The following RAB3IL1 variants were observed in gnomAD, a reference collection of about 807,000 sequenced individuals.
RAB3IL1 encodes the protein guanine nucleotide exchange factor for Rab-3A.
In RAB3IL1, 37 loss-of-function variants were observed where a neutral mutation model predicts 49.2. The ratio of observed to expected loss-of-function variants is 0.75; its 90% CI spans 0.58 to 0.99. The LOEUF (loss-of-function observed/expected upper bound fraction) is 0.99, where lower values mean the gene tolerates loss of function less well. Ranked by LOEUF, RAB3IL1 falls within the 50% of genes least tolerant of loss-of-function variation. The pLI, the probability that RAB3IL1 is intolerant of heterozygous loss-of-function variation, is 0.00. For synonymous variants in RAB3IL1, 193 were observed against 213.9 expected (o/e 0.90, Z 0.85); for missense variants, 484 against 513.0 (o/e 0.94, Z 0.55).
At position 61,897,906 on chromosome 11, in the gene RAB3IL1, A is replaced by T. The variant is rs954780518; in HGVS notation, c.*372T>A. The T allele has an allele frequency of 4.5e-6, 1 of 223,968 alleles. No individual in the cohort carries two copies. Among genetic ancestry groups the T allele is most frequent in the Non-Finnish European group, 9.0e-6 (1 of 110,870 alleles). 13.9% of individuals were successfully genotyped at this position (223,968 alleles called of 1,614,324 possible). On this transcript the variant is annotated 3_prime_UTR_variant, in exon 10 of 10. Transcript: ENST00000394836. ...AACAGTCCCTTTCTGAAGACAAGCC[A>T]GCAACAAGGCACCTGCAGGCAGTTC... is the stretch of plus-strand genomic sequence containing the variant.
At chr11:61,937,247 T>C in the RAB3IL1 span, among the ~76,000 whole-genome samples, 11 of 152,188 alleles carry the variant, frequency 7.2e-5, no homozygotes, top group Admixed American at 4.6e-4. Context: ...TTGCATGCTA[T>C]TGAAACTAAG....
chr11:61,943,184 C>T, the RAB3IL1 span, among the ~76,000 whole-genome samples: 12,979 of 152,180 alleles, frequency 0.085, 603 homozygotes, highest in East Asian at 0.12. Context: ...GAAATAAACC[C>T]ATATATGTAT....
intron 1 of RAB3IL1, among the ~76,000 whole-genome samples, chr11:61,908,906 G>A (rs1025330566): frequency 2.0e-5 from 3 of 152,198 alleles, no homozygotes; most frequent in Non-Finnish European, 4.4e-5. Flanking sequence ...TTGGTGGGGA[G>A]CAGTCCCAGC....
upstream of RAB3IL1, among the ~76,000 whole-genome samples, chr11:61,919,290 C>T (rs1372818918): frequency 6.6e-6 from 1 of 152,140 alleles, no homozygotes; most frequent in Admixed American, 6.5e-5. Flanking sequence ...GGCCCTTGAG[C>T]GAGGTCTTGA....
chr11:61,902,671 C>A (rs1396542258), intron 7 of RAB3IL1, 130 bp from the exon 8 acceptor site: 2 of 824,958 alleles, frequency 2.4e-6, no homozygotes, highest in African/African-American at 1.7e-5. Flanking sequence ...CCCCACCCGG[C>A]TTCCAAAGGA....
At chr11:61,920,110 C>T (rs373760400), upstream of RAB3IL1, 52 of 1,345,128 alleles carry the variant, frequency 3.9e-5, no homozygotes, top group South Asian at 3.6e-4. Flanking sequence ...TGGGGCGTAG[C>T]GGACAGTCCC....
intron 8 of RAB3IL1, chr11:61,899,884 C>T (rs78433106): frequency 0.023 from 3,612 of 160,482 alleles, 115 homozygotes; most frequent in African/African-American, 0.07. Flanking sequence ...CCTGGGCTGC[C>T]CGGGGCCCCT....
At chr11:61,904,684 G>A (rs761819031) in intron 6 of RAB3IL1, 26 bp from the exon 7 acceptor site, 3 of 1,599,164 alleles carry the variant, frequency 1.9e-6, no homozygotes, top group East Asian at 2.3e-5. Flanking sequence ...GAGGCAGGCA[G>A]GGTGGTAAGG....
At chr11:61,899,741 CAGG>C in intron 8 of RAB3IL1, 1 of 253,052 alleles carries the variant, frequency 4.0e-6, no homozygotes, top group Non-Finnish European at 7.9e-6. Context: ...ATGAACCGGG[CAGG>C]CTGTCCCGGA....
At chr11:61,922,245 G>A (rs1449480285), upstream of RAB3IL1, among the ~76,000 whole-genome samples, 2 of 152,030 alleles carry the variant, frequency 1.3e-5, no homozygotes, top group Non-Finnish European at 2.9e-5. Context: ...AGACAGCTGG[G>A]GGCGTTGGCT....
At chr11:61,940,038 G>A in the RAB3IL1 span, among the ~76,000 whole-genome samples, 685 of 151,986 alleles carry the variant, frequency 4.5e-3, 27 homozygotes, top group East Asian at 0.092. Context: ...TAGCTACTGG[G>A]GAGGTTGAGG....
At chr11:61,929,344 C>G in the RAB3IL1 span, among the ~76,000 whole-genome samples, 1 of 151,808 alleles carries the variant, frequency 6.6e-6, no homozygotes, top group Non-Finnish European at 1.5e-5. Flanking sequence ...GTCTCTGCTA[C>G]AAACACAAAA....
In RAB3IL1 at chr11:61,898,935, T is replaced by TG. The variant is rs1938752816; in HGVS notation, c.1066+378dup. On this transcript the variant is annotated intron_variant, in intron 9 of 9. Coordinates refer to ENST00000394836, the MANE Select transcript of RAB3IL1 (RefSeq NM_013401.4). The surrounding 1 kb of genome is among the most constrained non-coding windows in gnomAD (Gnocchi z 5.1). Reference sequence around the variant, plus strand: ...GAGCCAGGCCTTGCAGAATGGGCTGTGGGGGGAGGGGGTGGAGGGAGGCCC... The same window carrying TG: ...GAGCCAGGCCTTGCAGAATGGGCTGTGGGGGGGAGGGGGTGGAGGGAGGCCC... 1 of 356,766 alleles carries TG rather than the reference T, an allele frequency of 2.8e-6. No homozygotes were observed. The highest frequency in any genetic ancestry group is 5.4e-6 in the Non-Finnish European group (1 of 184,232). 22.1% of individuals were successfully genotyped at this position (356,766 alleles called of 1,614,324 possible). A position where few individuals can be genotyped will look rare whatever the true frequency, so the allele number is the denominator to read the frequency against.
chr11:61,945,792 C>T, the RAB3IL1 span: 2 of 985,260 alleles, frequency 2.0e-6, no homozygotes, highest in Non-Finnish European at 2.4e-6. Flanking sequence ...TGCAGCCTGG[C>T]AGAGTCCATG....
upstream of RAB3IL1, chr11:61,920,161 G>A: frequency 7.5e-7 from 1 of 1,325,686 alleles, no homozygotes; most frequent in Non-Finnish European, 9.7e-7. Flanking sequence ...CCCTCGGGCG[G>A]GGCACCCAGC....
At chr11:61,925,398 C>A in the RAB3IL1 span, among the ~76,000 whole-genome samples, 1 of 152,160 alleles carries the variant, frequency 6.6e-6, no homozygotes, top group African/African-American at 2.4e-5. Flanking sequence ...CTTTGGGAGG[C>A]TGAGGTGGGT....
chr11:61,919,387 T>C (rs2134371357), upstream of RAB3IL1, among the ~76,000 whole-genome samples: 1 of 152,328 alleles, frequency 6.6e-6, no homozygotes, highest in South Asian at 2.1e-4. Flanking sequence ...CCTGCTACCA[T>C]GGACTCCTAG....
chr11:61,927,795 T>TAAG, the RAB3IL1 span, among the ~76,000 whole-genome samples: 61 of 152,228 alleles, frequency 4.0e-4, no homozygotes, highest in South Asian at 0.012. Context: ...TCTGGCCATG[T>TAAG]AAGATGTGCC....
At chr11:61,917,016 G>A (rs1325814359) in intron 1 of RAB3IL1, among the ~76,000 whole-genome samples, 1 of 151,986 alleles carries the variant, frequency 6.6e-6, no homozygotes, top group Non-Finnish European at 1.5e-5. Flanking sequence ...TTGGGAGGGT[G>A]GGCTGGGGGT....
Sources: allele counts gnomAD v4.1 joint callset (sites outside exome capture counted in the v4.1 genomes callset), GRCh38; gene constraint gnomAD v4.1.1; non-coding constraint Gnocchi (gnomAD v3.1); transcripts MANE v1.5; gene names NCBI Gene and HGNC (gene_info 2026-07-23, HGNC 2026-07-21).